The following SLIT3 variants were observed in gnomAD, a reference collection of about 807,000 sequenced individuals.
SLIT3 encodes slit guidance ligand 3, also known as slit homolog 3 protein.
SLIT3 carries 68 observed loss-of-function variants against 184.0 expected under a neutral mutation model. The observed-to-expected ratio is 0.37, with a 90% CI of 0.30 to 0.45. SLIT3 has a LOEUF of 0.45. Ranked by LOEUF, SLIT3 falls within the 20% of genes least tolerant of loss-of-function variation. The probability of loss-of-function intolerance (pLI) is 1.00; values close to 1 mark genes in which losing one functional copy is unlikely to be tolerated. For missense variants in SLIT3, 1,707 were observed against 2,026.0 expected, an observed-to-expected ratio of 0.84 and a Z score of 3.02; for synonymous variants, 831 against 828.6, an observed-to-expected ratio of 1.00 and a Z score of -0.05.
intron 4 of SLIT3, among the ~76,000 whole-genome samples, chr5:169,065,835 C>G (rs528738513): frequency 6.6e-6 from 1 of 152,182 alleles, no homozygotes; most frequent in Non-Finnish European, 1.5e-5. Context: ...CTTTATGATT[C>G]CATCAAGGCT....
At chr5:168,774,737 G>A (rs1755684457) in intron 12 of SLIT3, among the ~76,000 whole-genome samples, 1 of 152,160 alleles carries the variant, frequency 6.6e-6, no homozygotes, top group Admixed American at 6.5e-5. Flanking sequence ...AAATCATTTG[G>A]CATAATTGTT....
chr5:169,179,631 GC>G (rs5873157), intron 4 of SLIT3, among the ~76,000 whole-genome samples: 16,841 of 152,000 alleles, frequency 0.11, 1,878 homozygotes, highest in African/African-American at 0.27. Context: ...AAATCCTCCT[GC>G]CACCGAGTTA....
At chr5:169,107,832 C>T (rs1026340936) in intron 4 of SLIT3, among the ~76,000 whole-genome samples, 1 of 152,190 alleles carries the variant, frequency 6.6e-6, no homozygotes, top group Non-Finnish European at 1.5e-5. Context: ...GTTCTAACTG[C>T]CTCCCCTCAT....
chr5:168,817,294 C>T lies in SLIT3; in HGVS notation c.793+6G>A, dbSNP rs1757363311. 6.2e-7 allele frequency: 1 copy of T among 1,613,876 alleles called. No individual in the cohort carries two copies. Among genetic ancestry groups the T allele is most frequent in the Admixed American group, 1.7e-5 (1 of 59,992 alleles). Reference sequence around the variant, plus strand: ...CAGGAGGGGAGAGCAGGTAAAGCATCCTCACCTGGGCACACGTACTCCTTC... The same window carrying T: ...CAGGAGGGGAGAGCAGGTAAAGCATTCTCACCTGGGCACACGTACTCCTTC... On this transcript the variant is annotated splice_donor_region_variant and intron_variant, in intron 8 of 35. Coordinates refer to ENST00000519560, the MANE Select transcript of SLIT3 (RefSeq NM_003062.4).
chr5:169,113,708 T>A (rs1000608002), intron 4 of SLIT3, among the ~76,000 whole-genome samples: 1 of 148,384 alleles, frequency 6.7e-6, no homozygotes, highest in African/African-American at 2.5e-5. Context: ...CAGGTTGGAG[T>A]GCAGTGGCTC....
chr5:168,752,795 A>T, intron 18 of SLIT3, 160 bp downstream of exon 18: 1 of 670,366 alleles, frequency 1.5e-6, no homozygotes, highest in Non-Finnish European at 2.6e-6. Flanking sequence ...CAGCCTCAAC[A>T]CCTAGACGAT....
At chr5:169,216,803 TTA>T (rs1360388039) in intron 3 of SLIT3, among the ~76,000 whole-genome samples, 1 of 152,178 alleles carries the variant, frequency 6.6e-6, no homozygotes, top group Non-Finnish European at 1.5e-5. Flanking sequence ...ATGTGGGTCT[TTA>T]TATGTCTGTC....
At position 168,762,576 on chromosome 5, in the gene SLIT3, G is replaced by A. The variant is rs267600542; in HGVS notation, c.1573C>T (p.Arg525Cys). The change falls in exon 15 of 36, where the codon CGC (arginine) becomes TGC (cysteine). Residue 525 changes from arginine to cysteine, a missense_variant. This residue lies in a region of SLIT3 where 1,307 missense variants were observed against 1,511.6 expected (regional missense o/e 0.86). Transcript: ENST00000519560. ...IVDCSNQKLVRIPSHLPEYVT... is the reference protein window; with the variant it reads ...IVDCSNQKLVCIPSHLPEYVT... ...TATTCAGGGAGGTGGCTTGGGATGC[G>A]GACCAGCTTCTGGTTGGAGCAGTCC... The A allele has an allele frequency of 1.4e-5, 22 of 1,613,956 alleles. No individual in the cohort carries two copies. Among genetic ancestry groups the A allele is most frequent in the African/African-American group, 1.2e-4 (9 of 74,906 alleles).
At chr5:168,968,001 A>G (rs9313435) in intron 4 of SLIT3, among the ~76,000 whole-genome samples, 9,639 of 152,276 alleles carry the variant, frequency 0.063, 371 homozygotes, top group African/African-American at 0.095. Flanking sequence ...TCTGGCAGGC[A>G]TTCAAATTCC....
chr5:169,255,345 C>G (rs1380800200), intron 1 of SLIT3, among the ~76,000 whole-genome samples: 1 of 152,138 alleles, frequency 6.6e-6, no homozygotes, highest in Non-Finnish European at 1.5e-5. Context: ...TGTTACTGCC[C>G]TTGAAGACTT....
chr5:168,902,550 A>T (rs929916301), intron 4 of SLIT3, among the ~76,000 whole-genome samples: 3 of 152,162 alleles, frequency 2.0e-5, no homozygotes, highest in Non-Finnish European at 4.4e-5. Flanking sequence ...TTAGTGGGGG[A>T]CTGATGCAGC....
At chr5:169,152,425 T>C (rs962809357) in intron 4 of SLIT3, among the ~76,000 whole-genome samples, 5 of 152,172 alleles carry the variant, frequency 3.3e-5, no homozygotes, top group Non-Finnish European at 7.3e-5. Context: ...TTAAGAAACT[T>C]GACCTCTAAA....
chr5:168,669,084 C>T (rs1336104558), intron 35 of SLIT3, among the ~76,000 whole-genome samples: 1 of 152,196 alleles, frequency 6.6e-6, no homozygotes, highest in Non-Finnish European at 1.5e-5. Flanking sequence ...CCCAACAACC[C>T]TATAAAGAAG....
At chr5:168,816,956 A>G (rs1757350912) in intron 8 of SLIT3, among the ~76,000 whole-genome samples, 1 of 152,238 alleles carries the variant, frequency 6.6e-6, no homozygotes, top group Non-Finnish European at 1.5e-5. Context: ...GACGACAGGA[A>G]CATGTTTAGC....
chr5:168,868,961 A>G (rs115093001), intron 5 of SLIT3, among the ~76,000 whole-genome samples: 1 of 152,116 alleles, frequency 6.6e-6, no homozygotes, highest in Non-Finnish European at 1.5e-5. Context: ...AGGTGGCCAC[A>G]TATCAATGGG....
chr5:168,919,209 G>A (rs1191101348), intron 4 of SLIT3, among the ~76,000 whole-genome samples: 11 of 149,310 alleles, frequency 7.4e-5, no homozygotes, highest in Non-Finnish European at 1.6e-4. Context: ...GCAGTGAGCC[G>A]AGATCGCGCC....
chr5:169,225,851 C>A (rs1764789336), intron 3 of SLIT3, among the ~76,000 whole-genome samples: 1 of 152,118 alleles, frequency 6.6e-6, no homozygotes, highest in South Asian at 2.1e-4. Flanking sequence ...TTCTAAGAGC[C>A]AAGGGAAGCT....
intron 4 of SLIT3, among the ~76,000 whole-genome samples, chr5:168,930,015 G>A: frequency 6.6e-6 from 1 of 152,202 alleles, no homozygotes; most frequent in Non-Finnish European, 1.5e-5. Context: ...CCACGGACTT[G>A]CAGCATAAGT....
At chr5:169,038,831 A>G (rs1425963287) in intron 4 of SLIT3, among the ~76,000 whole-genome samples, 1 of 152,200 alleles carries the variant, frequency 6.6e-6, no homozygotes, top group Non-Finnish European at 1.5e-5. Flanking sequence ...CAGTACAAAG[A>G]GAATGGCTGT....
Sources: gnomAD v4.1 joint callset for allele counts (sites outside exome capture counted in the v4.1 genomes callset) on GRCh38, gnomAD v4.1.1 for gene constraint, gnomAD v4.1.1 regional missense constraint, MANE v1.5 for transcripts, NCBI Gene and HGNC (gene_info 2026-07-23, HGNC 2026-07-21) for gene names.